KCNK2: variants seen among roughly 807,000 people sequenced by gnomAD.
KCNK2 encodes potassium two pore domain channel subfamily K member 2, also known as potassium channel subfamily K member 2.
A neutral mutation model predicts 40.5 loss-of-function variants in KCNK2; 21 were observed. The observed-to-expected ratio is 0.52, with a 90% CI of 0.37 to 0.75. KCNK2 has a LOEUF of 0.75. KCNK2 is among the 30% of genes least tolerant of loss of function. KCNK2 has a pLI of 0.00. For synonymous variants in KCNK2, 191 were observed against 202.2 expected (o/e 0.94, Z 0.47); for missense variants, 399 against 531.6 (o/e 0.75, Z 2.45).
intron 1 of KCNK2, among the ~76,000 whole-genome samples, chr1:215,077,399 C>G (rs1170534796): frequency 3.9e-5 from 6 of 152,166 alleles, no homozygotes; most frequent in Non-Finnish European, 5.9e-5. Context: ...CCCTGTTGAT[C>G]TACTGGCAAC....
Position 215,083,342 on chromosome 1 carries a change from C to T in KCNK2, c.-44C>T, listed in dbSNP as rs372387400. ...ATGGCGTGTTTGTAAAAAAAAGCTT[C>T]AAGTCCGTCTTTTTCAAAAAACATT... On this transcript the variant is annotated 5_prime_UTR_variant, in exon 1 of 7. Coordinates refer to ENST00000444842, the MANE Select transcript of KCNK2 (RefSeq NM_001017425.3). 101 of 1,614,048 alleles carry T rather than the reference C, an allele frequency of 6.3e-5. No individual in the cohort carries two copies. In the African/African-American group the frequency reaches 1.2e-3, roughly 20 times the overall value.
At chr1:215,065,415 G>T (rs1019253419) in intron 1 of KCNK2, among the ~76,000 whole-genome samples, 3 of 150,316 alleles carry the variant, frequency 2.0e-5, no homozygotes, top group Non-Finnish European at 4.4e-5. Context: ...AAAAAAAAAA[G>T]AAAAGGAAGA....
chr1:215,125,203 A>T (rs1244825404), intron 3 of KCNK2, among the ~76,000 whole-genome samples: 1 of 152,096 alleles, frequency 6.6e-6, no homozygotes, highest in Non-Finnish European at 1.5e-5. Context: ...GTCATTTATG[A>T]TGATTACTTC....
chr1:215,140,674 T>G (rs1455325113), intron 3 of KCNK2, among the ~76,000 whole-genome samples: 1 of 152,046 alleles, frequency 6.6e-6, no homozygotes, highest in Non-Finnish European at 1.5e-5. Flanking sequence ...TTACCATAAA[T>G]GAGTCTTGTG....
intron 1 of KCNK2, among the ~76,000 whole-genome samples, chr1:215,058,085 G>T (rs970050338): frequency 6.6e-6 from 1 of 152,094 alleles, no homozygotes; most frequent in Non-Finnish European, 1.5e-5. Flanking sequence ...AAAGGGAAAA[G>T]GAGAACATGA....
intron 6 of KCNK2, among the ~76,000 whole-genome samples, chr1:215,217,906 G>A (rs1400430195): frequency 6.6e-6 from 1 of 152,202 alleles, no homozygotes; most frequent in Non-Finnish European, 1.5e-5. Flanking sequence ...GCTAGAGATA[G>A]AAAGATGAAT....
chr1:215,220,248 AT>A (rs1237353703), intron 6 of KCNK2, among the ~76,000 whole-genome samples: 1 of 151,942 alleles, frequency 6.6e-6, no homozygotes, highest in Admixed American at 6.6e-5. Flanking sequence ...GCTTTTTTAT[AT>A]TTGTAATTCC....
At chr1:215,197,268 GT>G (rs1664902577) in intron 6 of KCNK2, among the ~76,000 whole-genome samples, 1 of 152,170 alleles carries the variant, frequency 6.6e-6, no homozygotes, top group African/African-American at 2.4e-5. Context: ...TGCTCTAGCT[GT>G]TACAACAAAA....
intron 3 of KCNK2, among the ~76,000 whole-genome samples, chr1:215,155,326 C>T (rs1398576520): frequency 6.6e-6 from 1 of 152,012 alleles, no homozygotes. Flanking sequence ...CTGTTGATAA[C>T]ATCTTTATAA....
chr1:215,051,764 G>C (rs1000247533), intron 1 of KCNK2, among the ~76,000 whole-genome samples: 15 of 152,144 alleles, frequency 9.9e-5, no homozygotes, highest in African/African-American at 3.6e-4. Flanking sequence ...TGTGGCATGG[G>C]AGGGTTAGAA....
At chr1:215,029,441 T>A (rs563041593) in intron 1 of KCNK2, among the ~76,000 whole-genome samples, 1 of 150,312 alleles carries the variant, frequency 6.7e-6, no homozygotes, top group African/African-American at 2.4e-5. Context: ...TGTCTTTTCA[T>A]GGCTTGATGG....
chr1:215,137,597 T>G (rs74140931), intron 3 of KCNK2, among the ~76,000 whole-genome samples: 14,534 of 152,184 alleles, frequency 0.096, 2,271 homozygotes, highest in African/African-American at 0.33. Context: ...GAATCCTGAT[T>G]CTAATATTTT....
At chr1:215,179,284 A>G (rs1028940767) in intron 5 of KCNK2, among the ~76,000 whole-genome samples, 13 of 152,016 alleles carry the variant, frequency 8.6e-5, no homozygotes, top group Non-Finnish European at 1.6e-4. Context: ...GATCTTGCTT[A>G]TCCTTTCAAA....
At chr1:215,156,474 A>G (rs1195483458) in intron 3 of KCNK2, among the ~76,000 whole-genome samples, 1 of 152,212 alleles carries the variant, frequency 6.6e-6, no homozygotes, top group African/African-American at 2.4e-5. Flanking sequence ...GACTGCCTGC[A>G]GTCCCCTACA....
chr1:215,049,478 AC>A (rs1204085406), intron 1 of KCNK2, among the ~76,000 whole-genome samples: 1 of 152,090 alleles, frequency 6.6e-6, no homozygotes, highest in Non-Finnish European at 1.5e-5. Context: ...CTTTCACTGA[AC>A]AAAAGTTGAT....
chr1:215,160,296 T>C (rs1170590115), intron 3 of KCNK2, among the ~76,000 whole-genome samples: 1 of 152,122 alleles, frequency 6.6e-6, no homozygotes, highest in East Asian at 1.9e-4. Flanking sequence ...ATAAAATGGT[T>C]CAGAAAAAAG....
chr1:215,137,346 A>T (rs1661968368), intron 3 of KCNK2, among the ~76,000 whole-genome samples: 1 of 152,218 alleles, frequency 6.6e-6, no homozygotes, highest in Non-Finnish European at 1.5e-5. Flanking sequence ...GAGCAAAATC[A>T]AGCATGTCAC....
At chr1:215,155,638 G>A (rs1011273571) in intron 3 of KCNK2, among the ~76,000 whole-genome samples, 1 of 152,082 alleles carries the variant, frequency 6.6e-6, no homozygotes, top group African/African-American at 2.4e-5. Flanking sequence ...TCCTGCCTCA[G>A]CCTCTCAGGT....
chr1:215,145,703 C>A (rs78888512), intron 3 of KCNK2, among the ~76,000 whole-genome samples: 7,523 of 152,178 alleles, frequency 0.049, 610 homozygotes, highest in African/African-American at 0.17. Flanking sequence ...GTCAGGAATA[C>A]AACATCAAAT....
Sources: gnomAD v4.1 joint callset for allele counts (sites outside exome capture counted in the v4.1 genomes callset) on GRCh38, gnomAD v4.1.1 for gene constraint, MANE v1.5 for transcripts, NCBI Gene and HGNC (gene_info 2026-07-23, HGNC 2026-07-21) for gene names.